The following MSANTD2 variants were observed in gnomAD, a reference collection of about 807,000 sequenced individuals.
MSANTD2 encodes Myb/SANT DNA binding domain containing 2, also known as myb/SANT-like DNA-binding domain-containing protein 2.
A neutral mutation model predicts 52.6 loss-of-function variants in MSANTD2; 19 were observed. The ratio of observed to expected loss-of-function variants is 0.36; its 90% CI spans 0.25 to 0.53. MSANTD2 has a LOEUF of 0.53. MSANTD2 is among the 20% of genes least tolerant of loss of function. MSANTD2 has a pLI of 0.91. For synonymous variants in MSANTD2, 291 were observed against 289.7 expected (o/e 1.00, Z -0.04); for missense variants, 558 against 716.3 (o/e 0.78, Z 2.52).
intron 3 of MSANTD2, among the ~76,000 whole-genome samples, chr11:124,772,231 C>T (rs906438285): frequency 6.6e-6 from 1 of 152,174 alleles, no homozygotes; most frequent in Non-Finnish European, 1.5e-5. Context: ...TCAGGTGTCC[C>T]TCTGGTCCGC....
At chr11:124,791,896 A>G (rs532483222) in intron 1 of MSANTD2, 1 of 383,484 alleles carries the variant, frequency 2.6e-6, no homozygotes, top group Admixed American at 3.9e-5. Context: ...TTAGAACAGA[A>G]CATATCAGAG....
intron 1 of MSANTD2, among the ~76,000 whole-genome samples, chr11:124,798,679 G>A (rs1945576244): frequency 6.6e-6 from 1 of 152,140 alleles, no homozygotes; most frequent in Admixed American, 6.5e-5. Flanking sequence ...GAACTTTGGT[G>A]CAATTTCCCT....
chr11:124,783,327 T>C (rs1004953217), intron 1 of MSANTD2, among the ~76,000 whole-genome samples: 6 of 152,294 alleles, frequency 3.9e-5, no homozygotes, highest in Admixed American at 2.6e-4. Flanking sequence ...AGAATATATA[T>C]TAATAATTCA....
intron 1 of MSANTD2, chr11:124,789,530 T>C (rs1055535259): frequency 6.6e-6 from 1 of 152,204 alleles, no homozygotes; most frequent in African/African-American, 2.4e-5. Context: ...ATGATGGCTG[T>C]TGTTTCTAAA....
chr11:124,797,111 TAAAC>T (rs1450999408), intron 1 of MSANTD2, among the ~76,000 whole-genome samples: 1 of 152,208 alleles, frequency 6.6e-6, no homozygotes, highest in Non-Finnish European at 1.5e-5. Flanking sequence ...GTTTTTTCGT[TAAAC>T]AGCAGTATTA....
chr11:124,782,938 A>G (rs1452456165), intron 1 of MSANTD2, among the ~76,000 whole-genome samples: 1 of 152,222 alleles, frequency 6.6e-6, no homozygotes, highest in Non-Finnish European at 1.5e-5. Context: ...TATTTTAAAA[A>G]TATCTATCAT....
chr11:124,780,723 T>G (rs907862675), intron 1 of MSANTD2, among the ~76,000 whole-genome samples: 4 of 152,226 alleles, frequency 2.6e-5, no homozygotes, highest in Non-Finnish European at 5.9e-5. Flanking sequence ...TAAGGTAAAC[T>G]TGTATCTTAG....
intron 1 of MSANTD2, chr11:124,792,348 T>G (rs954029459): frequency 6.6e-6 from 1 of 152,234 alleles, no homozygotes; most frequent in South Asian, 2.1e-4. Flanking sequence ...CATCACTCTT[T>G]CACCACATGC....
intron 1 of MSANTD2, chr11:124,784,019 T>C (rs1945074071): frequency 1.0e-6 from 1 of 985,408 alleles, no homozygotes; most frequent in Non-Finnish European, 1.2e-6. Flanking sequence ...CAAGTGCTTT[T>C]CTATTTACAA....
chr11:124,800,166 C>T lies in MSANTD2; in HGVS notation c.215G>A (p.Gly72Asp). Residue 72 changes from glycine (G) to aspartate (D), a missense_variant, in exon 1 of 4, where the codon GGC becomes GAC. Transcript: ENST00000374979. The surrounding 1 kb of genome is among the most constrained non-coding windows in gnomAD (Gnocchi z 4.3). ...GACCGAGGACGAGGCGGCGCTGCGGCCCCCCAGCCCCAGCCCGAGACCCCC... is the reference window on the plus strand; with the variant it reads ...GACCGAGGACGAGGCGGCGCTGCGGTCCCCCAGCCCCAGCCCGAGACCCCC... ...ASGGLGLGLG[G>D]RSAASSSVSF... 3 of 1,461,548 alleles carry T rather than the reference C, an allele frequency of 2.1e-6. No homozygotes were observed. The highest frequency in any genetic ancestry group is 1.8e-6 in the Non-Finnish European group (2 of 1,114,542). 90.5% of individuals were successfully genotyped at this position (1,461,548 alleles called of 1,614,324 possible).
intron 1 of MSANTD2, among the ~76,000 whole-genome samples, chr11:124,781,183 CAAAAAA>C (rs373484883): frequency 1.6e-5 from 1 of 62,960 alleles, no homozygotes; most frequent in Non-Finnish European, 3.6e-5. Flanking sequence ...GTCTCTGTCT[CAAAAAA>C]AAAAAAAAAA....
intron 1 of MSANTD2, among the ~76,000 whole-genome samples, chr11:124,777,438 C>G (rs971612464): frequency 6.6e-6 from 1 of 152,200 alleles, no homozygotes; most frequent in Non-Finnish European, 1.5e-5. Context: ...TAAGCAAAGC[C>G]ACCAATCTCT....
At chr11:124,771,673 C>T (rs1310394354) in intron 3 of MSANTD2, among the ~76,000 whole-genome samples, 3 of 152,204 alleles carry the variant, frequency 2.0e-5, no homozygotes, top group African/African-American at 7.2e-5. Context: ...GCTGGAATTA[C>T]AGGTGCTCAC....
At chr11:124,795,322 C>T (rs992442918) in intron 1 of MSANTD2, among the ~76,000 whole-genome samples, 2 of 152,242 alleles carry the variant, frequency 1.3e-5, no homozygotes, top group Non-Finnish European at 2.9e-5. Context: ...ATAAAGCCAA[C>T]TCTCAAGAGG....
chr11:124,793,331 T>C (rs1945391180), intron 1 of MSANTD2, among the ~76,000 whole-genome samples: 1 of 152,208 alleles, frequency 6.6e-6, no homozygotes, highest in Non-Finnish European at 1.5e-5. Context: ...CCAACTCTCA[T>C]CATATTCATC....
At chr11:124,786,369 C>T (rs766084602) in intron 1 of MSANTD2, among the ~76,000 whole-genome samples, 1 of 152,166 alleles carries the variant, frequency 6.6e-6, no homozygotes, top group Non-Finnish European at 1.5e-5. Context: ...AACAGTTCAT[C>T]TCATCCCCAT....
Position 124,766,510 on chromosome 11 carries a change from CTTTAA to C in MSANTD2, c.*661_*665del, listed in dbSNP as rs1178679829. On this transcript the variant is annotated 3_prime_UTR_variant, in exon 4 of 4. Coordinates refer to ENST00000374979, the MANE Select transcript of MSANTD2 (RefSeq NM_001308027.2). ...TAGTACGCCAAGGGGCCAGGAATTACTTTAATTTTTTTTTTTTAAAAAAAGGTTTA... is the reference window on the plus strand; with the variant it reads ...TAGTACGCCAAGGGGCCAGGAATTACTTTTTTTTTTTTAAAAAAAGGTTTA... 8 of 104,302 alleles carry C rather than the reference CTTTAA, an allele frequency of 7.7e-5. No homozygotes were observed. Among genetic ancestry groups the C allele is most frequent in the Non-Finnish European group, 1.3e-4 (7 of 53,632 alleles). 6.5% of individuals were successfully genotyped at this position (104,302 alleles called of 1,614,324 possible). A position where few individuals can be genotyped will look rare whatever the true frequency, so the allele number is the denominator to read the frequency against.
intron 2 of MSANTD2, among the ~76,000 whole-genome samples, chr11:124,773,797 G>A (rs7939412): frequency 0.2 from 30,772 of 152,044 alleles, 3,921 homozygotes; most frequent in African/African-American, 0.36. Context: ...TAAAGCTCAG[G>A]GAGCATGTTT....
At chr11:124,799,642 G>A (rs1945619630) in intron 1 of MSANTD2, among the ~76,000 whole-genome samples, 1 of 152,196 alleles carries the variant, frequency 6.6e-6, no homozygotes, top group African/African-American at 2.4e-5. Flanking sequence ...GCAAGAAAGA[G>A]GGGCGGCGGC....
Sources: allele counts gnomAD v4.1 joint callset (sites outside exome capture counted in the v4.1 genomes callset), GRCh38; gene constraint gnomAD v4.1.1; non-coding constraint Gnocchi (gnomAD v3.1); transcripts MANE v1.5; gene names NCBI Gene and HGNC (gene_info 2026-07-23, HGNC 2026-07-21).